Variants in ENTREP2 observed in about 807,000 individuals in gnomAD.
ENTREP2 encodes the protein protein ENTREP2.
At chr15:29,126,543 C>T in the ENTREP2 span, 21 of 1,471,706 alleles carry the variant, frequency 1.4e-5, no homozygotes, top group African/African-American at 4.2e-5. Context: ...GGGACGCTGG[C>T]GTGGGACAGG....
the ENTREP2 span, among the ~76,000 whole-genome samples, chr15:29,367,980 G>A: frequency 7.9e-6 from 1 of 126,050 alleles, no homozygotes; most frequent in African/African-American, 3.1e-5. Context: ...GAAGATACAA[G>A]AAAGCATGGC....
At chr15:29,571,541 C>T in the ENTREP2 span, among the ~76,000 whole-genome samples, 3 of 152,216 alleles carry the variant, frequency 2.0e-5, no homozygotes, top group Non-Finnish European at 4.4e-5. Context: ...GAACTCAGCT[C>T]TGGAGGACAT....
the ENTREP2 span, chr15:29,452,469 A>T: frequency 6.6e-5 from 10 of 152,248 alleles, no homozygotes; most frequent in Non-Finnish European, 1.2e-4. Flanking sequence ...TGTGGCGAAT[A>T]AGCAGAACAC....
the ENTREP2 span, among the ~76,000 whole-genome samples, chr15:29,432,813 G>A: frequency 2.0e-5 from 3 of 152,064 alleles, no homozygotes; most frequent in African/African-American, 7.2e-5. Flanking sequence ...GCAGCTGTGA[G>A]GAGCCCTCAG....
the ENTREP2 span, among the ~76,000 whole-genome samples, chr15:29,452,419 C>T: frequency 1.3e-5 from 2 of 152,206 alleles, no homozygotes; most frequent in Non-Finnish European, 2.9e-5. Flanking sequence ...GGAAGGAGGC[C>T]TCATGCCACA....
chr15:29,429,708 C>T, the ENTREP2 span, among the ~76,000 whole-genome samples: 2 of 152,198 alleles, frequency 1.3e-5, no homozygotes, highest in African/African-American at 2.4e-5. Flanking sequence ...TTGAAATCTA[C>T]GGACAGCCAT....
At chr15:29,447,144 C>T in the ENTREP2 span, among the ~76,000 whole-genome samples, 51 of 152,188 alleles carry the variant, frequency 3.4e-4, no homozygotes, top group African/African-American at 1.2e-3. Flanking sequence ...ATTTAAAACA[C>T]AAATCAAATA....
At chr15:29,235,772 T>C in the ENTREP2 span, among the ~76,000 whole-genome samples, 1 of 152,112 alleles carries the variant, frequency 6.6e-6, no homozygotes, top group Non-Finnish European at 1.5e-5. Flanking sequence ...AAGACCAGCA[T>C]GGCCAAGATG....
At chr15:29,390,687 G>A in the ENTREP2 span, among the ~76,000 whole-genome samples, 150 of 152,294 alleles carry the variant, frequency 9.8e-4, 3 homozygotes, top group Middle Eastern at 0.017. Flanking sequence ...ACCCTGCCTG[G>A]ACACAGAGGT....
At chr15:29,359,690 C>A in the ENTREP2 span, among the ~76,000 whole-genome samples, 1 of 152,118 alleles carries the variant, frequency 6.6e-6, no homozygotes, top group African/African-American at 2.4e-5. Context: ...GGATTACAGG[C>A]GTGAGCCACT....
chr15:29,521,511 A>G, the ENTREP2 span, among the ~76,000 whole-genome samples: 1 of 152,166 alleles, frequency 6.6e-6, no homozygotes, highest in Non-Finnish European at 1.5e-5. Context: ...TGAAAGCTAG[A>G]AGTAGTATAA....
chr15:29,601,798 T>G, the ENTREP2 span, among the ~76,000 whole-genome samples: 1 of 152,192 alleles, frequency 6.6e-6, no homozygotes, highest in Non-Finnish European at 1.5e-5. Context: ...GCAGCACAAC[T>G]ACACACTTTG....
At chr15:29,331,171 A>G in the ENTREP2 span, among the ~76,000 whole-genome samples, 1,581 of 152,336 alleles carry the variant, frequency 0.01, 35 homozygotes, top group African/African-American at 0.036. Flanking sequence ...TGTATGGAGG[A>G]ATAATTTTAG....
chr15:29,248,696 GA>G, the ENTREP2 span, among the ~76,000 whole-genome samples: 2 of 152,062 alleles, frequency 1.3e-5, no homozygotes, highest in East Asian at 3.9e-4. Flanking sequence ...ATTAAACAAT[GA>G]AATCATCTTA....
chr15:29,231,557 A>G, the ENTREP2 span, among the ~76,000 whole-genome samples: 6 of 152,224 alleles, frequency 3.9e-5, no homozygotes, highest in Non-Finnish European at 5.9e-5. Context: ...AAATCTGGCT[A>G]TAAAATCTCT....
chr15:29,183,276 C>T, the ENTREP2 span, among the ~76,000 whole-genome samples: 2 of 152,132 alleles, frequency 1.3e-5, no homozygotes, highest in South Asian at 4.1e-4. Context: ...GTTAGCAGAT[C>T]AAAACAAATA....
At chr15:29,129,793 G>A in the ENTREP2 span, among the ~76,000 whole-genome samples, 313 of 152,266 alleles carry the variant, frequency 2.1e-3, 1 homozygote, top group Middle Eastern at 0.02. Flanking sequence ...AGGGCATCAG[G>A]GCCTCCCGGA....
At chr15:29,158,614 G>A in the ENTREP2 span, among the ~76,000 whole-genome samples, 3 of 152,072 alleles carry the variant, frequency 2.0e-5, no homozygotes, top group African/African-American at 7.2e-5. Flanking sequence ...GTTTCACCAT[G>A]TTGGCTAGGC....
At chr15:29,140,917 T>G in the ENTREP2 span, among the ~76,000 whole-genome samples, 19 of 152,242 alleles carry the variant, frequency 1.2e-4, no homozygotes, top group Non-Finnish European at 5.9e-5. Context: ...GGTGCCCAGC[T>G]GGGGCTCATG....
Sources: gnomAD v4.1 joint callset for allele counts (sites outside exome capture counted in the v4.1 genomes callset) on GRCh38, gnomAD v4.1.1 for gene constraint, MANE v1.5 for transcripts, NCBI Gene and HGNC (gene_info 2026-07-23, HGNC 2026-07-21) for gene names.